Variants in PCDH7 observed in about 807,000 individuals in gnomAD.
PCDH7 encodes the protein protocadherin-7.
In PCDH7, 17 loss-of-function variants were observed where a neutral mutation model predicts 58.9. The observed-to-expected ratio is 0.29, with a 90% CI of 0.20 to 0.43. PCDH7 has a LOEUF of 0.43. Ranked by LOEUF, PCDH7 falls within the 20% of genes least tolerant of loss-of-function variation. PCDH7 has a pLI of 1.00. For missense variants in PCDH7, 1,274 were observed against 1,441.0 expected (o/e 0.88, Z 1.88); for synonymous variants, 664 against 616.4 (o/e 1.08, Z -1.14).
intron 3 of PCDH7, among the ~76,000 whole-genome samples, chr4:31,009,006 C>T (rs573367334): frequency 3.3e-5 from 5 of 152,096 alleles, no homozygotes; most frequent in Non-Finnish European, 5.9e-5. Flanking sequence ...CCTGTGAAAC[C>T]GTTCAGCCAA....
intron 3 of PCDH7, among the ~76,000 whole-genome samples, chr4:30,991,429 A>G (rs1751457259): frequency 6.6e-6 from 1 of 152,224 alleles, no homozygotes; most frequent in Admixed American, 6.5e-5. Context: ...AAAAGAGTTA[A>G]AGAGGGATAT....
At chr4:30,731,081 G>A in exon 2 of PCDH7, 2 of 1,112,638 alleles carry the variant, frequency 1.8e-6, no homozygotes, top group Non-Finnish European at 2.2e-6. Flanking sequence ...TAACAGTGAT[G>A]TCTTTTAAAA....
intron 3 of PCDH7, among the ~76,000 whole-genome samples, chr4:31,038,482 T>C (rs2109199602): frequency 6.6e-6 from 1 of 152,236 alleles, no homozygotes; most frequent in South Asian, 2.1e-4. Flanking sequence ...CTATTTGAGA[T>C]GGAATAAGAA....
At chr4:30,786,019 A>G (rs1365038339) in intron 1 of PCDH7, among the ~76,000 whole-genome samples, 1 of 152,094 alleles carries the variant, frequency 6.6e-6, no homozygotes, top group Non-Finnish European at 1.5e-5. Flanking sequence ...ATTTAACACT[A>G]TTTAAAACTG....
chr4:31,128,060 T>C (rs1718512809), intron 3 of PCDH7, among the ~76,000 whole-genome samples: 2 of 150,996 alleles, frequency 1.3e-5, no homozygotes, highest in Admixed American at 1.3e-4. Flanking sequence ...TGCATACATA[T>C]GTATATATGT....
intron 3 of PCDH7, among the ~76,000 whole-genome samples, chr4:31,125,713 TACTC>T (rs1205528193): frequency 1.3e-5 from 2 of 152,234 alleles, no homozygotes; most frequent in Non-Finnish European, 2.9e-5. Flanking sequence ...GAACAACTGA[TACTC>T]ACAGTGCACT....
chr4:31,096,514 C>A (rs573777791), intron 3 of PCDH7, among the ~76,000 whole-genome samples: 1 of 152,240 alleles, frequency 6.6e-6, no homozygotes, highest in East Asian at 1.9e-4. Flanking sequence ...TTTAGAGTTT[C>A]TTTTTGTAGC....
intron 1 of PCDH7, among the ~76,000 whole-genome samples, chr4:30,761,525 C>T (rs1344870424): frequency 6.6e-6 from 1 of 151,736 alleles, no homozygotes; most frequent in Non-Finnish European, 1.5e-5. Flanking sequence ...ATTTTATATC[C>T]TTTTAAAAAT....
intron 1 of PCDH7, among the ~76,000 whole-genome samples, chr4:30,837,725 G>A (rs1229022959): frequency 1.3e-5 from 2 of 151,648 alleles, no homozygotes; most frequent in African/African-American, 4.8e-5. Flanking sequence ...TAAGTTGAAG[G>A]CAACAGACTT....
intron 1 of PCDH7, among the ~76,000 whole-genome samples, chr4:30,810,451 A>G (rs1167767541): frequency 6.6e-6 from 1 of 151,330 alleles, no homozygotes; most frequent in African/African-American, 2.4e-5. Flanking sequence ...TTGCTTTTCT[A>G]CTCATTGGAA....
intron 3 of PCDH7, among the ~76,000 whole-genome samples, chr4:30,993,943 G>A (rs1439532694): frequency 6.6e-6 from 1 of 151,856 alleles, no homozygotes; most frequent in Non-Finnish European, 1.5e-5. Flanking sequence ...CTGGAGACCA[G>A]AAAGGGAAAA....
rs377723374 is a variant in PCDH7, at chr4:31,025,049, A to T, written c.*7+74834A>T. On this transcript the variant is annotated intron_variant, in intron 3 of 3. Coordinates refer to the PCDH7 transcript ENST00000509759. ...TGAGCCACTGCGCCCGGCCTGTGTGACTTTTTAAATGTTTAAAAGTTATTC... is the reference window on the plus strand; with the variant it reads ...TGAGCCACTGCGCCCGGCCTGTGTGTCTTTTTAAATGTTTAAAAGTTATTC... Among the ~76,000 whole-genome samples the T allele has an allele frequency of 1.5e-3, 234 of 152,250 alleles. 2 individuals are homozygous for T. Among genetic ancestry groups the T allele is most frequent in the African/African-American group, 5.3e-3 (222 of 41,548 alleles).
intron 3 of PCDH7, among the ~76,000 whole-genome samples, chr4:31,101,866 G>A (rs956915680): frequency 9.2e-5 from 14 of 152,162 alleles, no homozygotes; most frequent in Non-Finnish European, 1.9e-4. Flanking sequence ...CACTCTCGTG[G>A]TAAAATATGG....
At chr4:31,002,782 A>T (rs1438037865) in intron 3 of PCDH7, among the ~76,000 whole-genome samples, 1 of 152,206 alleles carries the variant, frequency 6.6e-6, no homozygotes, top group African/African-American at 2.4e-5. Flanking sequence ...TATTGATTCT[A>T]TCTATAGTTA....
rs370047728 is a variant in PCDH7, at chr4:30,729,600, A to G, written c.3175-1153A>G. Among the ~76,000 whole-genome samples, 23 of 152,104 alleles carry G rather than the reference A, an allele frequency of 1.5e-4. No individual in the cohort carries two copies. The East Asian group carries it at 3.9e-3, about 25-fold the overall frequency. On this transcript the variant is annotated intron_variant, in intron 1 of 1. Coordinates refer to ENST00000361762, the Ensembl canonical transcript of PCDH7. ...TAGCAATTAGTATATTTCAATAAAA[A>G]TTCATTTAAATAGAAAAGAATTAAA...
chr4:30,812,559 T>C (rs776751584), intron 1 of PCDH7, among the ~76,000 whole-genome samples: 10 of 152,168 alleles, frequency 6.6e-5, no homozygotes, highest in Non-Finnish European at 1.2e-4. Flanking sequence ...ACAATTCATA[T>C]TGATGAATTC....
chr4:30,989,937 G>A (rs948850754), intron 3 of PCDH7, among the ~76,000 whole-genome samples: 2 of 152,050 alleles, frequency 1.3e-5, no homozygotes, highest in African/African-American at 4.8e-5. Context: ...TTATTCACAT[G>A]CCATTGACTT....
intron 1 of PCDH7, among the ~76,000 whole-genome samples, chr4:30,884,118 G>C (rs1009173758): frequency 8.6e-5 from 13 of 151,994 alleles, no homozygotes; most frequent in Admixed American, 2.6e-4. Flanking sequence ...TAAATACCAT[G>C]ACCAATAATT....
At chr4:30,732,788 A>G (rs1348766383) in exon 2 of PCDH7, 3 of 152,082 alleles carry the variant, frequency 2.0e-5, no homozygotes, top group African/African-American at 7.2e-5. Context: ...GACTGGAAAA[A>G]CATAGTAAAT....
Sources: allele counts gnomAD v4.1 joint callset (sites outside exome capture counted in the v4.1 genomes callset), GRCh38; gene constraint gnomAD v4.1.1; transcripts MANE v1.5; gene names NCBI Gene and HGNC (gene_info 2026-07-23, HGNC 2026-07-21).